SCRN1: variants seen among roughly 807,000 people sequenced by gnomAD.
SCRN1 encodes secernin-1.
Under a neutral mutation model 43.3 loss-of-function variants are expected in SCRN1, and 19 were observed. That is an observed-to-expected ratio of 0.44 (90% confidence interval 0.31 to 0.64). The LOEUF (loss-of-function observed/expected upper bound fraction) is 0.64. Ranked by LOEUF, SCRN1 falls within the 30% of genes least tolerant of loss-of-function variation. The pLI is 0.09. For missense variants in SCRN1, 447 were observed against 524.1 expected, an observed-to-expected ratio of 0.85 and a Z score of 1.44; for synonymous variants, 183 against 188.9, an observed-to-expected ratio of 0.97 and a Z score of 0.26.
At chr7:29,978,504 C>T (rs138327375) in intron 1 of SCRN1, among the ~76,000 whole-genome samples, 19 of 152,272 alleles carry the variant, frequency 1.2e-4, no homozygotes, top group African/African-American at 4.3e-4. Flanking sequence ...CCTAGCCCTG[C>T]AGCCCCATGT....
chr7:29,939,143 A>T (rs1244220038), intron 5 of SCRN1, among the ~76,000 whole-genome samples: 1 of 152,144 alleles, frequency 6.6e-6, no homozygotes, highest in African/African-American at 2.4e-5. Flanking sequence ...TACCCAGAAT[A>T]TATTACATAA....
At chr7:29,939,180 T>G (rs1787446081) in intron 5 of SCRN1, among the ~76,000 whole-genome samples, 1 of 152,088 alleles carries the variant, frequency 6.6e-6, no homozygotes, top group African/African-American at 2.4e-5. Flanking sequence ...CCTAAAGTGT[T>G]CTAGATTAAG....
chr7:29,976,158 G>A (rs1788830380), intron 1 of SCRN1, among the ~76,000 whole-genome samples: 1 of 152,146 alleles, frequency 6.6e-6, no homozygotes. Context: ...TTTTCCTTCA[G>A]ACCAACGCTG....
At chr7:29,986,755 C>T (rs569561756) in intron 1 of SCRN1, among the ~76,000 whole-genome samples, 13 of 126,602 alleles carry the variant, frequency 1.0e-4, no homozygotes, top group East Asian at 2.3e-4. Flanking sequence ...GACGGAGTCT[C>T]GCTCTGTCGC....
At chr7:29,937,007 C>A (rs1270863473) in intron 5 of SCRN1, among the ~76,000 whole-genome samples, 2 of 152,178 alleles carry the variant, frequency 1.3e-5, no homozygotes, top group Non-Finnish European at 2.9e-5. Flanking sequence ...GATCGCGTCA[C>A]TGCACTCCAG....
intron 2 of SCRN1, among the ~76,000 whole-genome samples, chr7:29,967,730 CAATT>C (rs1459658969): frequency 1.1e-4 from 16 of 152,074 alleles, no homozygotes; most frequent in Non-Finnish European, 2.4e-4. Flanking sequence ...AACAAGAAAA[CAATT>C]AAAGACAGAA....
intron 7 of SCRN1, among the ~76,000 whole-genome samples, chr7:29,925,345 C>T (rs1786906558): frequency 6.6e-6 from 1 of 152,188 alleles, no homozygotes; most frequent in African/African-American, 2.4e-5. Context: ...GGATTTTTCT[C>T]TTGATATCCT....
In SCRN1 at chr7:29,920,374, G is replaced by C. The variant is rs1033706804; in HGVS notation, c.*3583C>G. The C allele has an allele frequency of 2.6e-5, 4 of 152,136 alleles. No individual in the cohort carries two copies. The highest frequency in any genetic ancestry group is 2.1e-4 in the South Asian group (1 of 4,826). 9.4% of individuals were successfully genotyped at this position (152,136 alleles called of 1,614,324 possible). ...ATTGGTTCCCACGAGAAATCTGCAGGTGACATTTCGGGATGTTTGGAGTCA... is the reference window on the plus strand; with the variant it reads ...ATTGGTTCCCACGAGAAATCTGCAGCTGACATTTCGGGATGTTTGGAGTCA... On this transcript the variant is annotated 3_prime_UTR_variant, in exon 8 of 8. Coordinates refer to ENST00000242059, the MANE Select transcript of SCRN1 (RefSeq NM_014766.5).
chr7:29,931,683 T>C (rs766596892), intron 6 of SCRN1, among the ~76,000 whole-genome samples: 1 of 152,232 alleles, frequency 6.6e-6, no homozygotes, highest in Non-Finnish European at 1.5e-5. Flanking sequence ...TTACTGAAGA[T>C]GCAGAAACTC....
At chr7:29,955,525 T>C (rs1040045817) in intron 2 of SCRN1, among the ~76,000 whole-genome samples, 165 bp from the exon 3 acceptor site, 3 of 152,180 alleles carry the variant, frequency 2.0e-5, no homozygotes, top group Non-Finnish European at 4.4e-5. Flanking sequence ...AGCTCAAAAG[T>C]CTCCATGGTG....
chr7:29,940,366 T>C (rs557786350), intron 5 of SCRN1, among the ~76,000 whole-genome samples: 19 of 151,598 alleles, frequency 1.3e-4, no homozygotes, highest in Admixed American at 1.2e-3. Context: ...GAAAGATGAG[T>C]CAAATATATA....
At chr7:29,966,565 G>C (rs896947046) in intron 2 of SCRN1, among the ~76,000 whole-genome samples, 10 of 152,348 alleles carry the variant, frequency 6.6e-5, no homozygotes, top group African/African-American at 2.2e-4. Flanking sequence ...TCCAGGAAAA[G>C]AGAGAAACAT....
intron 2 of SCRN1, among the ~76,000 whole-genome samples, chr7:29,959,259 G>A (rs1030329538): frequency 6.6e-6 from 1 of 152,218 alleles, no homozygotes; most frequent in Non-Finnish European, 1.5e-5. Context: ...ATTGTGAGAT[G>A]AGTTGATGAG....
intron 5 of SCRN1, among the ~76,000 whole-genome samples, chr7:29,939,566 C>T (rs1177960335): frequency 1.3e-5 from 2 of 152,156 alleles, no homozygotes; most frequent in Non-Finnish European, 2.9e-5. Context: ...TTTCCTGTTG[C>T]ACCTGCTCAA....
In SCRN1 at chr7:29,924,168, C is replaced by T. The variant is rs571470369; in HGVS notation, c.1087-53G>A. ...GTCAGCAAAATAGCAGGGGACATTG[C>T]AGCGGACACTGAAACCCTCTAGGGG... On this transcript the variant is annotated intron_variant, in intron 7 of 7. Coordinates refer to ENST00000242059, the MANE Select transcript of SCRN1 (RefSeq NM_014766.5). The T allele has an allele frequency of 2.3e-5, 36 of 1,556,642 alleles. No homozygotes were observed. The African/African-American group carries it at 4.1e-4, about 18-fold the overall frequency.
intron 5 of SCRN1, among the ~76,000 whole-genome samples, chr7:29,940,135 T>G (rs1321805195): frequency 2.0e-5 from 3 of 152,076 alleles, no homozygotes; most frequent in Admixed American, 1.3e-4. Context: ...CACTTGAGTG[T>G]AGACAACAGA....
At chr7:29,977,644 GAATTCCAGCTCCT>G (rs1224659788) in intron 1 of SCRN1, among the ~76,000 whole-genome samples, 1 of 152,216 alleles carries the variant, frequency 6.6e-6, no homozygotes, top group Non-Finnish European at 1.5e-5. Flanking sequence ...CACAGCCAGT[GAATTCCAGCTCCT>G]AATATTCAAT....
At chr7:29,974,487 A>G (rs1000233207) in intron 1 of SCRN1, among the ~76,000 whole-genome samples, 3 of 152,168 alleles carry the variant, frequency 2.0e-5, no homozygotes, top group African/African-American at 7.2e-5. Context: ...TGGAAGCCAG[A>G]GCTCTCATGA....
rs1788958037 is a variant in SCRN1, at chr7:29,980,306, G to C, written c.-2+9336C>G. Among the ~76,000 whole-genome samples the C allele has an allele frequency of 2.6e-5, 4 of 152,154 alleles. 1 individual carries two copies. The South Asian group carries it at 8.3e-4, about 32-fold the overall frequency. On this transcript the variant is annotated intron_variant, in intron 1 of 7. Transcript: ENST00000242059. ...CAAAAGCATTCTCTGTGGGAAATAGGGAGGTACTGAGCAAGCCACATCTCA... is the reference window on the plus strand; with the variant it reads ...CAAAAGCATTCTCTGTGGGAAATAGCGAGGTACTGAGCAAGCCACATCTCA...
Sources: gnomAD v4.1 joint callset for allele counts (sites outside exome capture counted in the v4.1 genomes callset) on GRCh38, gnomAD v4.1.1 for gene constraint, MANE v1.5 for transcripts, NCBI Gene and HGNC (gene_info 2026-07-23, HGNC 2026-07-21) for gene names.